L3MBTL4: variants seen among roughly 807,000 people sequenced by gnomAD.
L3MBTL4 encodes L3MBTL histone methyl-lysine binding protein 4, also known as lethal(3)malignant brain tumor-like protein 4.
L3MBTL4 carries 70 observed loss-of-function variants against 84.5 expected under a neutral mutation model. The observed-to-expected ratio is 0.83, with a 90% CI of 0.68 to 1.01. The LOEUF is 1.01. Ranked by LOEUF, L3MBTL4 falls within the 50% of genes least tolerant of loss-of-function variation. The pLI is 0.00. For synonymous variants in L3MBTL4, 274 were observed against 259.8 expected (o/e 1.05, Z -0.52); for missense variants, 715 against 754.8 (o/e 0.95, Z 0.62).
intron 1 of L3MBTL4, among the ~76,000 whole-genome samples, chr18:6,408,631 C>T (rs897304491): frequency 5.3e-5 from 8 of 152,052 alleles, no homozygotes; most frequent in African/African-American, 1.9e-4. Flanking sequence ...GATTTTCTCA[C>T]TATTTCTCAC....
chr18:5,956,856 G>A (rs191990723), intron 18 of L3MBTL4, among the ~76,000 whole-genome samples: 198 of 152,228 alleles, frequency 1.3e-3, no homozygotes, highest in Non-Finnish European at 2.1e-3. Flanking sequence ...GTCAGAGTGG[G>A]CTACTATGCA....
At chr18:6,001,640 A>G (rs1209533530) in intron 16 of L3MBTL4, among the ~76,000 whole-genome samples, 1 of 152,186 alleles carries the variant, frequency 6.6e-6, no homozygotes, top group Non-Finnish European at 1.5e-5. Context: ...ATCAACAGAA[A>G]AATAACTAGA....
intron 13 of L3MBTL4, among the ~76,000 whole-genome samples, chr18:6,168,859 A>G (rs2043818054): frequency 6.6e-6 from 1 of 152,234 alleles, no homozygotes; most frequent in South Asian, 2.1e-4. Flanking sequence ...CTTTCTGCAC[A>G]GCAAAAGAAA....
At chr18:6,234,759 C>T (rs997349365) in intron 10 of L3MBTL4, among the ~76,000 whole-genome samples, 28 of 152,092 alleles carry the variant, frequency 1.8e-4, no homozygotes, top group African/African-American at 5.8e-4. Flanking sequence ...GACAGTGTGG[C>T]GATTCCTCAA....
chr18:6,161,089 A>G (rs1490214453), intron 13 of L3MBTL4, among the ~76,000 whole-genome samples: 1 of 152,234 alleles, frequency 6.6e-6, no homozygotes, highest in East Asian at 1.9e-4. Flanking sequence ...CCAGAAACAC[A>G]AAGCATGATA....
chr18:6,335,654 T>G (rs1470835167), intron 1 of L3MBTL4, among the ~76,000 whole-genome samples: 2 of 152,208 alleles, frequency 1.3e-5, no homozygotes, highest in East Asian at 3.9e-4. Context: ...GGGAGGGACC[T>G]GGTGGGAGGT....
chr18:6,145,601 G>A (rs1392091094), intron 13 of L3MBTL4, among the ~76,000 whole-genome samples: 1 of 141,294 alleles, frequency 7.1e-6, no homozygotes, highest in African/African-American at 2.6e-5. Context: ...TTTTTTTTTT[G>A]TAATAGAGAA....
At chr18:6,349,117 C>A (rs2053058750) in intron 1 of L3MBTL4, among the ~76,000 whole-genome samples, 1 of 152,172 alleles carries the variant, frequency 6.6e-6, no homozygotes, top group Non-Finnish European at 1.5e-5. Flanking sequence ...ATTAGAACAA[C>A]CACTTCAGAA....
chr18:6,357,689 A>G (rs1052404874), intron 1 of L3MBTL4, among the ~76,000 whole-genome samples: 2 of 152,190 alleles, frequency 1.3e-5, no homozygotes, highest in Non-Finnish European at 1.5e-5. Context: ...AAAAAAAACA[A>G]TATCATTTGA....
At chr18:6,009,434 C>T (rs148092970) in intron 16 of L3MBTL4, among the ~76,000 whole-genome samples, 139 of 152,256 alleles carry the variant, frequency 9.1e-4, no homozygotes, top group South Asian at 3.7e-3. Context: ...CTCTCTAACT[C>T]GACACATTAC....
At chr18:6,162,730 T>C (rs925816778) in intron 13 of L3MBTL4, among the ~76,000 whole-genome samples, 2 of 152,222 alleles carry the variant, frequency 1.3e-5, no homozygotes, top group East Asian at 1.9e-4. Flanking sequence ...GCAAATGCCC[T>C]GAAGCCTCCA....
intron 14 of L3MBTL4, among the ~76,000 whole-genome samples, chr18:6,134,339 G>A (rs1165404355): frequency 6.6e-6 from 1 of 151,890 alleles, no homozygotes; most frequent in Non-Finnish European, 1.5e-5. Context: ...TTCCACCCCG[G>A]CCCCTCCAAA....
intron 4 of L3MBTL4, among the ~76,000 whole-genome samples, chr18:6,299,686 T>A (rs915361749): frequency 1.6e-4 from 24 of 152,148 alleles, no homozygotes; most frequent in African/African-American, 5.6e-4. Flanking sequence ...ATATTTTTTT[T>A]ATATACAGGG....
At chr18:6,155,812 T>A (rs1268669002) in intron 13 of L3MBTL4, among the ~76,000 whole-genome samples, 1 of 152,068 alleles carries the variant, frequency 6.6e-6, no homozygotes, top group Non-Finnish European at 1.5e-5. Context: ...GAATGCAGAG[T>A]GAAATGAAAA....
At position 5,958,787 on chromosome 18, in the gene L3MBTL4, C is replaced by A. The variant is rs1402832965; in HGVS notation, c.1677+1307G>T. ...ATCTTTAAGGGCCCCTCTCGTAAAT[C>A]TGTGTTTCAGAGAGGAGGGATAAGA... On this transcript the variant is annotated intron_variant, in intron 18 of 18. Coordinates refer to ENST00000317931, the MANE Select transcript of L3MBTL4 (RefSeq NM_001330559.2). 2.6e-5 allele frequency among the ~76,000 whole-genome samples: 4 copies of A among 152,144 alleles called. No individual in the cohort carries two copies. The East Asian group carries it at 7.7e-4, about 29-fold the overall frequency.
intron 14 of L3MBTL4, among the ~76,000 whole-genome samples, chr18:6,121,685 CGTGT>C (rs762077935): frequency 0.046 from 6,540 of 142,862 alleles, 159 homozygotes; most frequent in Middle Eastern, 0.13. Flanking sequence ...ATTGTTTCCC[CGTGT>C]GTGTGTGTGT....
At chr18:6,321,895 A>G (rs1169896091) in intron 1 of L3MBTL4, among the ~76,000 whole-genome samples, 1 of 152,064 alleles carries the variant, frequency 6.6e-6, no homozygotes, top group Non-Finnish European at 1.5e-5. Flanking sequence ...GAGACTCAGA[A>G]CGGGGAGGCT....
chr18:6,021,925 G>T (rs2055290392), intron 16 of L3MBTL4, among the ~76,000 whole-genome samples: 1 of 152,110 alleles, frequency 6.6e-6, no homozygotes, highest in Non-Finnish European at 1.5e-5. Flanking sequence ...AGCGCTGCTG[G>T]GACACCCAGT....
rs71370544 is a variant in L3MBTL4, at chr18:6,095,346, G to GTTTTTTTTT, written c.1200-1827_1200-1819dup. 5.1e-4 allele frequency among the ~76,000 whole-genome samples: 63 copies of GTTTTTTTTT among 122,920 alleles called. 2 individuals are homozygous for GTTTTTTTTT. The highest frequency in any genetic ancestry group is 1.7e-3 in the African/African-American group (50 of 29,190). The allele number at this position is 122,920 out of a possible 152,430, so 80.6% of individuals were successfully genotyped here. A position where few individuals can be genotyped will look rare whatever the true frequency, so the allele number is the denominator to read the frequency against. On this transcript the variant is annotated intron_variant, in intron 14 of 18. Transcript: ENST00000317931. ...AATCAGGCTGAAGAAGGGGAACATGGTTTTTTTTTTTTTTTTTTTGAGATG... is the reference window on the plus strand; with the variant it reads ...AATCAGGCTGAAGAAGGGGAACATGGTTTTTTTTTTTTTTTTTTTTTTTTTTTTGAGATG...
Sources: allele counts gnomAD v4.1 joint callset (sites outside exome capture counted in the v4.1 genomes callset), GRCh38; gene constraint gnomAD v4.1.1; transcripts MANE v1.5; gene names NCBI Gene and HGNC (gene_info 2026-07-23, HGNC 2026-07-21).